The following DSCAM variants were observed in gnomAD, a reference collection of about 807,000 sequenced individuals.
The protein encoded by DSCAM is DS cell adhesion molecule.
DSCAM carries 47 observed loss-of-function variants against 217.7 expected under a neutral mutation model. That is an observed-to-expected ratio of 0.22 (90% CI 0.17 to 0.28). DSCAM has a LOEUF of 0.28. Among genes scored for constraint, DSCAM ranks in the 10% least tolerant of loss-of-function variants. The probability of loss-of-function intolerance (pLI) is 1.00; values close to 1 mark genes in which losing one functional copy is unlikely to be tolerated. For synonymous variants in DSCAM, 1,056 were observed against 1,015.3 expected (o/e 1.04, Z -0.76); for missense variants, 2,080 against 2,618.3 (o/e 0.79, Z 4.49).
chr21:40,167,304 AC>A lies in DSCAM; in HGVS notation c.2948-17del, dbSNP rs2090606947. 1.2e-6 allele frequency: 2 copies of A among 1,613,482 alleles called. No homozygotes were observed. Among genetic ancestry groups the A allele is most frequent in the African/African-American group, 2.7e-5 (2 of 74,844 alleles). ...CCATCAGGAGCTGTAAGGACCAAAA[AC>A]CCACAGGCAGGTTAGAGACGCTTTC... On this transcript the variant is annotated splice_polypyrimidine_tract_variant and intron_variant, in intron 15 of 32. Transcript: ENST00000400454.
intron 3 of DSCAM, among the ~76,000 whole-genome samples, chr21:40,559,786 C>CTTTTTTTTTTTTTTTT (rs548599799): frequency 2.7e-5 from 3 of 109,410 alleles, no homozygotes; most frequent in Non-Finnish European, 3.7e-5. Context: ...AATTTTCTGT[C>CTTTTTTTTTTTTTTTT]TTTTTTTTTT....
In DSCAM at chr21:40,834,284, G is replaced by T. The variant is rs374334410; in HGVS notation, c.43+12335C>A. Among the ~76,000 whole-genome samples, 165 of 151,750 alleles carry T rather than the reference G, an allele frequency of 1.1e-3. 3 individuals are homozygous for T. The highest frequency in any genetic ancestry group is 3.8e-3 in the African/African-American group (156 of 41,400). On this transcript the variant is annotated intron_variant, in intron 1 of 32. Transcript: ENST00000400454. Reference sequence around the variant, plus strand: ...TAGCCGGGCATGGTGGCGGGTGCCTGTAGTCCCAGCTACTCGCCAGGCTGA... The same window carrying T: ...TAGCCGGGCATGGTGGCGGGTGCCTTTAGTCCCAGCTACTCGCCAGGCTGA...
At chr21:40,547,227 T>G (rs2076590493) in intron 3 of DSCAM, among the ~76,000 whole-genome samples, 1 of 152,052 alleles carries the variant, frequency 6.6e-6, no homozygotes, top group African/African-American at 2.4e-5. Context: ...TAGAATCCAT[T>G]TTTCTCCACA....
intron 3 of DSCAM, among the ~76,000 whole-genome samples, chr21:40,610,671 T>C (rs921849854): frequency 6.6e-6 from 1 of 152,202 alleles, no homozygotes; most frequent in African/African-American, 2.4e-5. Context: ...ACATGAACCA[T>C]GTCCACGACC....
At chr21:40,709,135 A>T (rs2090749797) in intron 1 of DSCAM, among the ~76,000 whole-genome samples, 1 of 152,176 alleles carries the variant, frequency 6.6e-6, no homozygotes, top group Non-Finnish European at 1.5e-5. Flanking sequence ...GATAAGCCTC[A>T]TGAGGACAAG....
chr21:40,499,826 G>A (rs1203883795), intron 3 of DSCAM, among the ~76,000 whole-genome samples: 1 of 152,072 alleles, frequency 6.6e-6, no homozygotes, highest in South Asian at 2.1e-4. Context: ...TGTCACCCAG[G>A]ATGGAGTGTA....
chr21:40,040,211 A>G (rs1316429085), intron 32 of DSCAM, among the ~76,000 whole-genome samples: 1 of 152,252 alleles, frequency 6.6e-6, no homozygotes, highest in African/African-American at 2.4e-5. Flanking sequence ...TTGATTTAAG[A>G]GATTATTCAA....
chr21:40,737,081 T>C (rs2091071412), intron 1 of DSCAM, among the ~76,000 whole-genome samples: 1 of 152,196 alleles, frequency 6.6e-6, no homozygotes, highest in Admixed American at 6.5e-5. Context: ...GTAAGGAAGA[T>C]TCTAGAATTA....
At chr21:40,205,277 C>A (rs1484242534) in intron 11 of DSCAM, among the ~76,000 whole-genome samples, 1 of 152,070 alleles carries the variant, frequency 6.6e-6, no homozygotes, top group Non-Finnish European at 1.5e-5. Context: ...GGGGCCTTAG[C>A]AGGTTTCATT....
chr21:40,030,638 C>T (rs762748795), intron 32 of DSCAM, among the ~76,000 whole-genome samples: 3 of 152,172 alleles, frequency 2.0e-5, no homozygotes, highest in Non-Finnish European at 2.9e-5. Context: ...AACCCTGGGG[C>T]CATCCAACAA....
chr21:40,452,686 C>T (rs1569129658), intron 3 of DSCAM, among the ~76,000 whole-genome samples: 1 of 151,668 alleles, frequency 6.6e-6, no homozygotes, highest in Non-Finnish European at 1.5e-5. Context: ...GAGTTCCCTA[C>T]CAATAGAAAA....
rs1057009321 is a variant in DSCAM at position 40,620,018 on chromosome 21, A to G, written c.508+72792T>C. On this transcript the variant is annotated intron_variant, in intron 3 of 32. Transcript: ENST00000400454. ...GAGAGAAAGAGAGAGAAAAAAGAAA[A>G]AGAAAGAAAGAGAGAGAGAAAGAGA... 3.8e-4 allele frequency among the ~76,000 whole-genome samples: 40 copies of G among 105,376 alleles called. 1 individual carries two copies. Among genetic ancestry groups the G allele is most frequent in the Middle Eastern group, 5.1e-3 (1 of 198 alleles). The allele number at this position is 105,376 out of a possible 152,430, so 69.1% of individuals were successfully genotyped here. A position where few individuals can be genotyped will look rare whatever the true frequency, so the allele number is the denominator to read the frequency against.
intron 1 of DSCAM, among the ~76,000 whole-genome samples, chr21:40,833,303 G>A (rs1412936729): frequency 1.3e-5 from 2 of 152,214 alleles, no homozygotes; most frequent in East Asian, 3.9e-4. Context: ...TTGCCTGAGA[G>A]AACAGGTTAC....
At chr21:40,096,957 G>C (rs399684) in intron 20 of DSCAM, among the ~76,000 whole-genome samples, 4 of 151,922 alleles carry the variant, frequency 2.6e-5, no homozygotes, top group South Asian at 4.1e-4. Flanking sequence ...CAAAATGAAA[G>C]TGAATAAAGA....
At chr21:40,587,850 T>A (rs1229560688) in intron 3 of DSCAM, among the ~76,000 whole-genome samples, 1 of 152,172 alleles carries the variant, frequency 6.6e-6, no homozygotes, top group African/African-American at 2.4e-5. Flanking sequence ...GCTGTCTCAG[T>A]GGATTTGGCA....
chr21:40,183,273 G>T (rs1412513037), intron 14 of DSCAM, among the ~76,000 whole-genome samples: 1 of 152,226 alleles, frequency 6.6e-6, no homozygotes, highest in East Asian at 1.9e-4. Context: ...TGCTCGAAGG[G>T]ATGTTAAAGG....
chr21:40,679,467 C>G (rs2090376059), intron 3 of DSCAM, among the ~76,000 whole-genome samples: 1 of 152,186 alleles, frequency 6.6e-6, no homozygotes, highest in Non-Finnish European at 1.5e-5. Flanking sequence ...CTGCCTCAGC[C>G]TTCTCATCTG....
intron 8 of DSCAM, among the ~76,000 whole-genome samples, chr21:40,326,631 G>A (rs1005459993): frequency 1.3e-5 from 2 of 152,170 alleles, no homozygotes; most frequent in African/African-American, 2.4e-5. Flanking sequence ...ATATTTGTAT[G>A]TATCTCTATT....
intron 30 of DSCAM, among the ~76,000 whole-genome samples, chr21:40,047,760 C>A (rs552599127): frequency 6.6e-6 from 1 of 152,256 alleles, no homozygotes; most frequent in East Asian, 1.9e-4. Context: ...CCTCATGTAA[C>A]TAAAAAATAT....
Sources: allele counts gnomAD v4.1 joint callset (sites outside exome capture counted in the v4.1 genomes callset), GRCh38; gene constraint gnomAD v4.1.1; transcripts MANE v1.5; gene names NCBI Gene and HGNC (gene_info 2026-07-23, HGNC 2026-07-21).